The following MEOX1 variants were observed in gnomAD, a reference collection of about 807,000 sequenced individuals.
MEOX1 encodes homeobox protein MOX-1.
Under a neutral mutation model 23.2 loss-of-function variants are expected in MEOX1, and 17 were observed. The observed-to-expected ratio is 0.73, with a 90% CI of 0.50 to 1.10. MEOX1 has a LOEUF of 1.10. Among genes scored for constraint, MEOX1 ranks in the 50% least tolerant of loss-of-function variants. MEOX1 has a pLI of 0.00. For missense variants in MEOX1, 333 were observed against 332.2 expected (o/e 1.00, Z -0.02); for synonymous variants, 134 against 135.1 (o/e 0.99, Z 0.06).
chr17:43,660,107 G>A (rs1973109739), intron 1 of MEOX1, among the ~76,000 whole-genome samples: 1 of 152,222 alleles, frequency 6.6e-6, no homozygotes, highest in Non-Finnish European at 1.5e-5. Context: ...GGGCAGCACG[G>A]GCAGGAGGCT....
chr17:43,642,007 C>A lies in MEOX1; in HGVS notation c.668G>T (p.Arg223Met). ...TCCCTTCACACGCTTCCACTTCATC[C>A]TTCGGTTCTGGAACCACACTTTGAC... ...RQVKVWFQNRRMKWKRVKGGQ... is the reference protein window; with the variant it reads ...RQVKVWFQNRMMKWKRVKGGQ... The change falls in exon 3 of 3, where the codon AGG (arginine) becomes ATG (methionine). Residue 223 changes from arginine to methionine, a missense_variant. Transcript: ENST00000318579. The A allele has an allele frequency of 6.2e-7, 1 of 1,613,960 alleles. No homozygotes were observed. The highest frequency in any genetic ancestry group is 1.1e-5 in the South Asian group (1 of 91,054).
intron 2 of MEOX1, 98 bp from the exon 3 acceptor site, chr17:43,642,130 C>T: frequency 7.4e-7 from 1 of 1,358,350 alleles, no homozygotes; most frequent in Non-Finnish European, 1.0e-6. Context: ...TCCAGGGACC[C>T]CAGCTTGAAA....
chr17:43,642,835 AC>A (rs1365132781), intron 2 of MEOX1, among the ~76,000 whole-genome samples: 1 of 152,200 alleles, frequency 6.6e-6, no homozygotes, highest in Non-Finnish European at 1.5e-5. Flanking sequence ...CACATTTTGA[AC>A]AAGTGCCTTG....
chr17:43,656,369 C>T (rs556048048), intron 1 of MEOX1, among the ~76,000 whole-genome samples: 35 of 151,948 alleles, frequency 2.3e-4, no homozygotes, highest in Admixed American at 5.9e-4. Flanking sequence ...AGGTCAGTCC[C>T]TGGGTGTGGC....
chr17:43,641,840 AGGT>A lies in MEOX1; in HGVS notation c.*67_*69del. On this transcript the variant is annotated 3_prime_UTR_variant, in exon 3 of 3. Transcript: ENST00000318579. ...CCTGGCTGGGGAAGGAAGAGGGTGAAGGTGGGATTGGGGTGGGGGTAGTTGGGT... is the reference window on the plus strand; with the variant it reads ...CCTGGCTGGGGAAGGAAGAGGGTGAAGGGATTGGGGTGGGGGTAGTTGGGT... 6.8e-7 allele frequency: 1 copy of A among 1,480,282 alleles called. No individual in the cohort carries two copies. Among genetic ancestry groups the A allele is most frequent in the Non-Finnish European group, 9.1e-7 (1 of 1,094,782 alleles). 91.7% of individuals were successfully genotyped at this position (1,480,282 alleles called of 1,614,324 possible).
chr17:43,642,169 A>C, intron 2 of MEOX1, 137 bp from the exon 3 acceptor site: 5 of 874,158 alleles, frequency 5.7e-6, no homozygotes, highest in Non-Finnish European at 8.7e-6. Flanking sequence ...TACTCCCTCA[A>C]AGGCCCCAGG....
chr17:43,661,743 T>G lies in MEOX1; in HGVS notation c.-209A>C. On this transcript the variant is annotated 5_prime_UTR_variant, in exon 1 of 3. Coordinates refer to ENST00000318579, the MANE Select transcript of MEOX1 (RefSeq NM_004527.4). ...ACACATGTGGCCAGCTACTCCTATG[T>G]GTGTGCACACACCTATGTCGGGCTT... 1 of 471,244 alleles carries G rather than the reference T, an allele frequency of 2.1e-6. No individual in the cohort carries two copies. Among genetic ancestry groups the G allele is most frequent in the Non-Finnish European group, 3.7e-6 (1 of 270,620 alleles). 29.2% of individuals were successfully genotyped at this position (471,244 alleles called of 1,614,324 possible). A position where few individuals can be genotyped will look rare whatever the true frequency, so the allele number is the denominator to read the frequency against.
At chr17:43,655,660 TAAAAAAAAAAAAA>T (rs57762377) in intron 1 of MEOX1, among the ~76,000 whole-genome samples, 2 of 75,598 alleles carry the variant, frequency 2.6e-5, no homozygotes, top group Non-Finnish European at 2.3e-5. Flanking sequence ...CCTGTCTTTC[TAAAAAAAAAAAAA>T]AAAAAAAAAA....
chr17:43,661,201 C>T lies in MEOX1; in HGVS notation c.334G>A (p.Gly112Ser), dbSNP rs1370943886. The change falls in exon 1 of 3, where the codon GGT becomes AGT. Residue 112 changes from glycine (G) to serine (S), a missense_variant. Gly to Ser is a moderately conservative substitution (Grantham distance 56). Coordinates refer to ENST00000318579, the MANE Select transcript of MEOX1 (RefSeq NM_004527.4). ...RRRPNSGPAG[G>S]SKEMGTSSLG... is the part of the protein sequence containing the mutation. The stretch of plus-strand genomic sequence containing the variant: ...CTGCTGGTCCCCATTTCCTTGGAAC[C>T]CCCTGCCGGGCCTGAGTTGGGCCTG... 1.9e-6 allele frequency: 3 copies of T among 1,608,158 alleles called. No homozygotes were observed. The highest frequency in any genetic ancestry group is 2.5e-6 in the Non-Finnish European group (3 of 1,176,990).
At chr17:43,644,888 C>T (rs1381722803) in intron 1 of MEOX1, among the ~76,000 whole-genome samples, 1 of 152,144 alleles carries the variant, frequency 6.6e-6, no homozygotes, top group Non-Finnish European at 1.5e-5. Context: ...TGCACTCCAG[C>T]CTGGGCGACA....
chr17:43,659,784 C>T lies in MEOX1; in HGVS notation c.469+1282G>A, dbSNP rs183320056. On this transcript the variant is annotated intron_variant, in intron 1 of 2. Coordinates refer to ENST00000318579, the MANE Select transcript of MEOX1 (RefSeq NM_004527.4). The stretch of plus-strand genomic sequence containing the variant: ...AACCCGTGGGACTCAAAAGAGCTGA[C>T]GTCAGTATCCCATGGCACCTTAAGC... Among the ~76,000 whole-genome samples, 48 of 152,314 alleles carry T rather than the reference C, an allele frequency of 3.2e-4. 1 individual carries two copies. Among genetic ancestry groups the T allele is most frequent in the Admixed American group, 2.7e-3 (41 of 15,302 alleles).
intron 1 of MEOX1, among the ~76,000 whole-genome samples, chr17:43,653,359 C>T (rs1225133348): frequency 6.6e-6 from 1 of 150,438 alleles, no homozygotes; most frequent in Non-Finnish European, 1.5e-5. Context: ...AGGCTGGTCT[C>T]AAACTCCTGA....
Position 43,661,483 on chromosome 17 carries a change from C to CAGGGGCT in MEOX1, c.45_51dup (p.Val18SerfsTer46). 1 of 1,607,244 alleles carries CAGGGGCT rather than the reference C, an allele frequency of 6.2e-7. No individual in the cohort carries two copies. The highest frequency in any genetic ancestry group is 1.1e-5 in the South Asian group (1 of 89,952). On this transcript the variant is annotated frameshift_variant, in exon 1 of 3. Transcript: ENST00000318579. LOFTEE classifies it high-confidence loss of function. The stretch of plus-strand genomic sequence containing the variant: ...TGGGGGTTTCGAAGGCAGCCCCAGA[C>CAGGGGCT]AGGGGCTGGGGGCTGGAGGCTCCTC...
chr17:43,655,090 G>T (rs1416332100), intron 1 of MEOX1, among the ~76,000 whole-genome samples: 1 of 151,844 alleles, frequency 6.6e-6, no homozygotes, highest in Non-Finnish European at 1.5e-5. Flanking sequence ...TCTCCAGGAG[G>T]TATTTGCACA....
chr17:43,649,576 A>G (rs1035665232), intron 1 of MEOX1, among the ~76,000 whole-genome samples: 6 of 152,024 alleles, frequency 3.9e-5, no homozygotes. Flanking sequence ...CAAAGTGCTG[A>G]GATTACAGGC....
chr17:43,647,841 C>T lies in MEOX1; in HGVS notation c.470-4181G>A, dbSNP rs115601629. 6.9e-3 allele frequency among the ~76,000 whole-genome samples: 1,049 copies of T among 152,280 alleles called. 16 individuals carry two copies. The highest frequency in any genetic ancestry group is 0.023 in the African/African-American group (965 of 41,540). ...AGAAGAAGTCTGGGTTGGGAACTGACGGTCTCAGCTAACTCCCTGTGTGAA... is the reference window on the plus strand; with the variant it reads ...AGAAGAAGTCTGGGTTGGGAACTGATGGTCTCAGCTAACTCCCTGTGTGAA... On this transcript the variant is annotated intron_variant, in intron 1 of 2. Transcript: ENST00000318579.
At chr17:43,654,880 G>A (rs148425228) in intron 1 of MEOX1, among the ~76,000 whole-genome samples, 2,764 of 151,806 alleles carry the variant, frequency 0.018, 76 homozygotes, top group African/African-American at 0.062. Context: ...GTGAAACCCC[G>A]TCTCTACTAA....
chr17:43,659,982 A>G (rs980456773), intron 1 of MEOX1, among the ~76,000 whole-genome samples: 38 of 152,170 alleles, frequency 2.5e-4, no homozygotes, highest in African/African-American at 9.2e-4. Context: ...AAGCATTCCC[A>G]CCTGTTGGTT....
rs1056232545 is a variant in MEOX1, at chr17:43,643,720, T to C, written c.470-60A>G. ...GCTGAGGGAGACTCCATTCCCTTTC[T>C]TTTGCCCTTGAGCAACTAGGCAGTC... On this transcript the variant is annotated intron_variant, in intron 1 of 2. Transcript: ENST00000318579. The C allele has an allele frequency of 3.4e-5, 50 of 1,456,722 alleles. No homozygotes were observed. The South Asian group carries it at 6.0e-4, about 17-fold the overall frequency. The allele number at this position is 1,456,722 out of a possible 1,614,324, so 90.2% of individuals were successfully genotyped here.
Sources: gnomAD v4.1 joint callset for allele counts (sites outside exome capture counted in the v4.1 genomes callset) on GRCh38, gnomAD v4.1.1 for gene constraint, MANE v1.5 for transcripts, NCBI Gene and HGNC (gene_info 2026-07-23, HGNC 2026-07-21) for gene names.